Variants in NARS2 observed in about 807,000 individuals in gnomAD.
NARS2 encodes asparaginyl-tRNA synthetase 2, mitochondrial.
In NARS2, 60 loss-of-function variants were observed where a neutral mutation model predicts 62.9. That is an observed-to-expected ratio of 0.95 (90% CI 0.77 to 1.18). NARS2 has a LOEUF of 1.18. Among genes scored for constraint, NARS2 ranks in the 50% most tolerant of loss-of-function variants. The pLI, the probability that NARS2 is intolerant of heterozygous loss-of-function variation, is 0.00. For missense variants in NARS2, 619 were observed against 576.4 expected (o/e 1.07, Z -0.76); for synonymous variants, 196 against 200.0 (o/e 0.98, Z 0.17).
chr11:78,532,156 G>A (rs1861503540), intron 5 of NARS2, among the ~76,000 whole-genome samples: 1 of 152,124 alleles, frequency 6.6e-6, no homozygotes, highest in African/African-American at 2.4e-5. Context: ...TTATGGTAGT[G>A]ATAAAGAAAC....
chr11:78,552,906 A>T (rs374412688), intron 5 of NARS2, among the ~76,000 whole-genome samples: 1 of 152,168 alleles, frequency 6.6e-6, no homozygotes, highest in Non-Finnish European at 1.5e-5. Flanking sequence ...AGACTTGTCA[A>T]TTTTGGAGTT....
chr11:78,525,856 G>A (rs1565258882), intron 6 of NARS2, among the ~76,000 whole-genome samples: 3 of 152,110 alleles, frequency 2.0e-5, no homozygotes, highest in South Asian at 4.1e-4. Context: ...ACAATGTGAC[G>A]GGACAAGCCT....
chr11:78,567,993 T>C (rs1030957944), intron 3 of NARS2, among the ~76,000 whole-genome samples: 2 of 152,256 alleles, frequency 1.3e-5, no homozygotes, highest in African/African-American at 2.4e-5. Flanking sequence ...AACCTCTTTA[T>C]CAAGCTTATA....
intron 11 of NARS2, among the ~76,000 whole-genome samples, chr11:78,455,111 A>G (rs1858110976): frequency 6.6e-6 from 1 of 151,942 alleles, no homozygotes; most frequent in South Asian, 2.1e-4. Flanking sequence ...AATCCATTCT[A>G]TATGTCAGGT....
intron 6 of NARS2, among the ~76,000 whole-genome samples, chr11:78,504,856 T>G (rs766398830): frequency 6.6e-6 from 1 of 152,068 alleles, no homozygotes; most frequent in Non-Finnish European, 1.5e-5. Context: ...GAAAAAACCA[T>G]TTTATGCTGA....
intron 11 of NARS2, among the ~76,000 whole-genome samples, chr11:78,446,097 T>A (rs1857750528): frequency 6.6e-6 from 1 of 152,096 alleles, no homozygotes; most frequent in South Asian, 2.1e-4. Context: ...AAATGAGAAA[T>A]CCATAAAACA....
intron 6 of NARS2, among the ~76,000 whole-genome samples, chr11:78,495,767 T>C (rs919169522): frequency 1.3e-5 from 2 of 152,172 alleles, no homozygotes; most frequent in Non-Finnish European, 2.9e-5. Context: ...AAACAATAAA[T>C]TCAACAATTA....
At chr11:78,473,866 C>T (rs1465682877) in intron 9 of NARS2, among the ~76,000 whole-genome samples, 1 of 152,144 alleles carries the variant, frequency 6.6e-6, no homozygotes, top group Non-Finnish European at 1.5e-5. Flanking sequence ...GCATGCATTT[C>T]AGGGGATATC....
At chr11:78,556,278 C>A (rs1007715741) in intron 5 of NARS2, among the ~76,000 whole-genome samples, 1 of 152,154 alleles carries the variant, frequency 6.6e-6, no homozygotes, top group Non-Finnish European at 1.5e-5. Context: ...ACTCACTGAC[C>A]TACCTCATTT....
Position 78,574,605 on chromosome 11 carries a change from G to C in NARS2, c.-117C>G. On this transcript the variant is annotated 5_prime_UTR_variant, in exon 1 of 14. Transcript: ENST00000281038. ...TCCGCGGCCGCAGCTCTGCTCTAAG[G>C]CACTCCAGAGCCCCTCGGCTGCGCG... is the stretch of plus-strand genomic sequence containing the variant. 8.8e-7 allele frequency: 1 copy of C among 1,138,220 alleles called. No homozygotes were observed. Among genetic ancestry groups the C allele is most frequent in the Non-Finnish European group, 1.2e-6 (1 of 827,092 alleles). The allele number at this position is 1,138,220 out of a possible 1,614,324, so 70.5% of individuals were successfully genotyped here. A position where few individuals can be genotyped will look rare whatever the true frequency, so the allele number is the denominator to read the frequency against.
At chr11:78,541,256 T>A (rs1855606171) in intron 5 of NARS2, among the ~76,000 whole-genome samples, 1 of 152,214 alleles carries the variant, frequency 6.6e-6, no homozygotes. Context: ...TATATACAAC[T>A]ACTTTTTGGT....
At chr11:78,568,166 A>G (rs1480030961) in intron 3 of NARS2, among the ~76,000 whole-genome samples, 1 of 152,260 alleles carries the variant, frequency 6.6e-6, no homozygotes, top group Non-Finnish European at 1.5e-5. Context: ...CCAATATAGT[A>G]GCCAGTAGCC....
At chr11:78,569,379 A>C (rs1208686433) in intron 2 of NARS2, among the ~76,000 whole-genome samples, 1 of 152,126 alleles carries the variant, frequency 6.6e-6, no homozygotes, top group Non-Finnish European at 1.5e-5. Flanking sequence ...GGTCTCGAAC[A>C]CCTGGGCTCA....
intron 11 of NARS2, among the ~76,000 whole-genome samples, chr11:78,463,153 T>A (rs1334671147): frequency 6.6e-6 from 1 of 152,040 alleles, no homozygotes; most frequent in African/African-American, 2.4e-5. Context: ...AAGCCTCGAG[T>A]TCCTAGGCTC....
intron 5 of NARS2, among the ~76,000 whole-genome samples, chr11:78,542,033 C>T (rs1240306297): frequency 6.6e-6 from 1 of 152,152 alleles, no homozygotes; most frequent in Admixed American, 6.5e-5. Context: ...CCATACTTTC[C>T]ACTTGCTACA....
At chr11:78,457,628 A>G (rs984955627) in intron 11 of NARS2, among the ~76,000 whole-genome samples, 1 of 152,216 alleles carries the variant, frequency 6.6e-6, no homozygotes, top group Admixed American at 6.5e-5. Flanking sequence ...TACTGCATAA[A>G]TTATGGAAGT....
intron 11 of NARS2, among the ~76,000 whole-genome samples, chr11:78,447,175 T>C (rs976166047): frequency 6.6e-6 from 1 of 151,944 alleles, no homozygotes; most frequent in Admixed American, 6.6e-5. Context: ...GTGTTTTTTT[T>C]TTTCTTCCTA....
chr11:78,481,547 G>A (rs1859355425), intron 7 of NARS2, among the ~76,000 whole-genome samples: 2 of 152,114 alleles, frequency 1.3e-5, no homozygotes, highest in Admixed American at 1.3e-4. Context: ...TGTCTTTCCT[G>A]AGAAGTACAT....
intron 9 of NARS2, among the ~76,000 whole-genome samples, chr11:78,471,766 T>G (rs892959870): frequency 6.8e-6 from 1 of 146,050 alleles, no homozygotes; most frequent in Non-Finnish European, 1.5e-5. Context: ...TTCCCACCTA[T>G]GAGTGAGAAT....
Sources: gnomAD v4.1 joint callset for allele counts (sites outside exome capture counted in the v4.1 genomes callset) on GRCh38, gnomAD v4.1.1 for gene constraint, MANE v1.5 for transcripts, NCBI Gene and HGNC (gene_info 2026-07-23, HGNC 2026-07-21) for gene names.